The following PRPF6 variants were observed in gnomAD, a reference collection of about 807,000 sequenced individuals.
The protein encoded by PRPF6 is pre-mRNA processing factor 6, also known as pre-mRNA-processing factor 6.
In PRPF6, 42 loss-of-function variants were observed where a neutral mutation model predicts 118.3. The observed-to-expected ratio is 0.35, with a 90% CI of 0.28 to 0.46. PRPF6 has a LOEUF of 0.46. Ranked by LOEUF, PRPF6 falls within the 20% of genes least tolerant of loss-of-function variation. The pLI, the probability that PRPF6 is intolerant of heterozygous loss-of-function variation, is 1.00. For synonymous variants in PRPF6, 481 were observed against 485.1 expected, an observed-to-expected ratio of 0.99 and a Z score of 0.11; for missense variants, 662 against 1,255.7, an observed-to-expected ratio of 0.53 and a Z score of 7.15.
chr20:64,022,082 C>T (rs1040680109), intron 12 of PRPF6, among the ~76,000 whole-genome samples: 3 of 152,248 alleles, frequency 2.0e-5, no homozygotes, highest in South Asian at 4.1e-4. Flanking sequence ...CCTCCATCAC[C>T]TGCAGCTAGT....
At position 64,011,233 on chromosome 20, in the gene PRPF6, C is replaced by T. The variant is rs1330983330; in HGVS notation, c.1306-52C>T. 2 of 1,570,366 alleles carry T rather than the reference C, an allele frequency of 1.3e-6. No individual in the cohort carries two copies. The highest frequency in any genetic ancestry group is 1.7e-6 in the Non-Finnish European group (2 of 1,143,658). On this transcript the variant is annotated intron_variant, in intron 10 of 20. Transcript: ENST00000266079. The surrounding 1 kb of genome is among the most constrained non-coding windows in gnomAD (Gnocchi z 6.7). ...GGGTGGGTCGCTGTCTGGCCTGCAG[C>T]TGTCCCCCCAGCACAGTGTCCTCTC...
intron 19 of PRPF6, 139 bp from the exon 20 acceptor site, chr20:64,031,779 C>T (rs2059315784): frequency 4.3e-6 from 5 of 1,150,374 alleles, no homozygotes; most frequent in South Asian, 1.2e-5. Flanking sequence ...CAGCCGAGGC[C>T]CTGATCCTCA....
At chr20:63,999,829 T>G (rs2059158648) in intron 8 of PRPF6, 70 bp downstream of exon 8, 2 of 1,562,240 alleles carry the variant, frequency 1.3e-6, no homozygotes, top group Non-Finnish European at 1.7e-6. Flanking sequence ...GTAAACTTGT[T>G]AGAGCAAATC....
At chr20:64,002,640 CTTTTCTTTTTTT>C (rs1569216676) in intron 9 of PRPF6, among the ~76,000 whole-genome samples, 2 of 129,090 alleles carry the variant, frequency 1.5e-5, no homozygotes, top group Non-Finnish European at 3.3e-5. Flanking sequence ...CTGGCCTTTT[CTTTTCTTTTTTT>C]TTTTTTTTTG....
intron 3 of PRPF6, among the ~76,000 whole-genome samples, chr20:63,992,109 T>A (rs1424469504): frequency 6.6e-6 from 1 of 152,126 alleles, no homozygotes. Flanking sequence ...TGTTTTGTTT[T>A]GTTTTGTTTT....
At chr20:63,984,527 C>G (rs1371188989) in intron 2 of PRPF6, among the ~76,000 whole-genome samples, 1 of 152,196 alleles carries the variant, frequency 6.6e-6, no homozygotes, top group Non-Finnish European at 1.5e-5. Flanking sequence ...CCAAGCTTCT[C>G]CCGATGTTAC....
In PRPF6 at chr20:64,032,343, G is replaced by C. The variant is rs759040215; in HGVS notation, c.2673+299G>C. On this transcript the variant is annotated intron_variant, in intron 20 of 20. Coordinates refer to ENST00000266079, the MANE Select transcript of PRPF6 (RefSeq NM_012469.4). ...ACGAGTTATTTGCTGGCTGGAGCCT[G>C]GGCTCACTTTAGGAATGGGAATGGA... Among the ~76,000 whole-genome samples, 42 of 152,340 alleles carry C rather than the reference G, an allele frequency of 2.8e-4. 1 individual carries two copies. The highest frequency in any genetic ancestry group is 4.1e-4 in the South Asian group (2 of 4,824).
At chr20:64,022,142 C>A (rs1409542068) in intron 12 of PRPF6, among the ~76,000 whole-genome samples, 1 of 152,254 alleles carries the variant, frequency 6.6e-6, no homozygotes, top group Non-Finnish European at 1.5e-5. Flanking sequence ...GCCCCATGTG[C>A]CCCTTTTTCA....
chr20:64,013,984 G>C (rs1038460968), intron 11 of PRPF6, among the ~76,000 whole-genome samples: 2 of 151,770 alleles, frequency 1.3e-5, no homozygotes, highest in African/African-American at 4.8e-5. Flanking sequence ...TCCCAAGCTG[G>C]AGTGTATGGT....
chr20:63,995,311 C>T lies in PRPF6; in HGVS notation c.616-16C>T. On this transcript the variant is annotated splice_polypyrimidine_tract_variant and intron_variant, in intron 5 of 20. Coordinates refer to ENST00000266079, the MANE Select transcript of PRPF6 (RefSeq NM_012469.4). Reference sequence around the variant, plus strand: ...AACCGTTGTTTTATTCTTGCCTTTCCTCTCTTCCCCTCCAGCAATTTGGAG... The same window carrying T: ...AACCGTTGTTTTATTCTTGCCTTTCTTCTCTTCCCCTCCAGCAATTTGGAG... The T allele has an allele frequency of 6.2e-7, 1 of 1,603,956 alleles. No individual in the cohort carries two copies. Among genetic ancestry groups the T allele is most frequent in the Non-Finnish European group, 8.5e-7 (1 of 1,174,894 alleles).
chr20:64,014,197 C>T lies in PRPF6; in HGVS notation c.1525-2526C>T, dbSNP rs552896106. 2.0e-5 allele frequency among the ~76,000 whole-genome samples: 3 copies of T among 152,200 alleles called. No homozygotes were observed. In the South Asian group the frequency reaches 6.2e-4, roughly 32 times the overall value. On this transcript the variant is annotated intron_variant, in intron 11 of 20. Transcript: ENST00000266079. Reference sequence around the variant, plus strand: ...TCAGATGATCCACCTGCCTCGGCCTCCCAGAGTGCTGGGATTACAAGCGTG... The same window carrying T: ...TCAGATGATCCACCTGCCTCGGCCTTCCAGAGTGCTGGGATTACAAGCGTG...
rs536427616 is a variant in PRPF6, at chr20:64,028,464, G to T, written c.2340-14G>T. The T allele has an allele frequency of 2.2e-5, 35 of 1,613,756 alleles. 1 individual carries two copies. The South Asian group carries it at 3.3e-4, about 15-fold the overall frequency. On this transcript the variant is annotated splice_polypyrimidine_tract_variant and intron_variant, in intron 17 of 20. Transcript: ENST00000266079. The surrounding 1 kb of genome is among the most constrained non-coding windows in gnomAD (Gnocchi z 6.5). ...GTAGACGGCTGTGGGACCTCCGGGG[G>T]CCTGTCTCCTCAGGTTGGAGTCCGT...
At chr20:63,995,806 A>G (rs2059138851) in intron 6 of PRPF6, among the ~76,000 whole-genome samples, 1 of 151,484 alleles carries the variant, frequency 6.6e-6, no homozygotes, top group African/African-American at 2.4e-5. Flanking sequence ...ACAGGTGCCC[A>G]CCACCACACC....
At chr20:63,990,698 G>A (rs1194562945) in intron 3 of PRPF6, among the ~76,000 whole-genome samples, 3 of 149,762 alleles carry the variant, frequency 2.0e-5, no homozygotes, top group Admixed American at 6.7e-5. Context: ...AGGCTGGAGT[G>A]CAATGGCGCA....
intron 6 of PRPF6, among the ~76,000 whole-genome samples, chr20:63,997,991 G>A (rs1187068571): frequency 6.6e-6 from 1 of 152,204 alleles, no homozygotes; most frequent in Non-Finnish European, 1.5e-5. Flanking sequence ...CGGACACTTG[G>A]ACCACTTTCA....
intron 2 of PRPF6, among the ~76,000 whole-genome samples, chr20:63,984,477 A>G (rs1250553451): frequency 6.6e-6 from 1 of 152,190 alleles, no homozygotes; most frequent in Non-Finnish European, 1.5e-5. Flanking sequence ...AATTTGCAAA[A>G]ATAGTGCCCC....
chr20:64,002,645 CTTTTT>C (rs1231191438), intron 9 of PRPF6, among the ~76,000 whole-genome samples: 2 of 98,330 alleles, frequency 2.0e-5, no homozygotes, highest in East Asian at 6.5e-4. Context: ...CTTTTCTTTT[CTTTTT>C]TTTTTTTTTT....
chr20:64,016,251 A>T (rs570734952), intron 11 of PRPF6, among the ~76,000 whole-genome samples: 9 of 151,680 alleles, frequency 5.9e-5, no homozygotes, highest in Non-Finnish European at 1.3e-4. Flanking sequence ...CCTCCCGAGT[A>T]AGCTGGGATT....
intron 9 of PRPF6, among the ~76,000 whole-genome samples, chr20:64,005,422 A>G (rs1378983068): frequency 6.6e-6 from 1 of 152,204 alleles, no homozygotes; most frequent in Non-Finnish European, 1.5e-5. Context: ...TCTCCCACGC[A>G]GTCGAGGTGA....
Sources: gnomAD v4.1 joint callset for allele counts (sites outside exome capture counted in the v4.1 genomes callset) on GRCh38, gnomAD v4.1.1 for gene constraint, Gnocchi (gnomAD v3.1) non-coding constraint, MANE v1.5 for transcripts, NCBI Gene and HGNC (gene_info 2026-07-23, HGNC 2026-07-21) for gene names.